LHFPL6: variants seen among roughly 807,000 people sequenced by gnomAD.
The protein encoded by LHFPL6 is LHFPL tetraspan subfamily member 6.
LHFPL6 carries 9 observed loss-of-function variants against 20.6 expected under a neutral mutation model. The observed-to-expected ratio is 0.44, with a 90% confidence interval of 0.26 to 0.76. LHFPL6 has a LOEUF of 0.76. Ranked by LOEUF, LHFPL6 falls within the 30% of genes least tolerant of loss-of-function variation. The pLI is 0.20. For missense variants in LHFPL6, 218 were observed against 253.5 expected (o/e 0.86, Z 0.95); for synonymous variants, 105 against 98.7 (o/e 1.06, Z -0.38).
At chr13:39,425,127 T>C (rs1472474585) in intron 2 of LHFPL6, among the ~76,000 whole-genome samples, 1 of 152,146 alleles carries the variant, frequency 6.6e-6, no homozygotes, top group African/African-American at 2.4e-5. Flanking sequence ...CATAACAGGT[T>C]AGTTTGTATT....
At chr13:39,508,119 G>T (rs1869555493) in intron 2 of LHFPL6, among the ~76,000 whole-genome samples, 1 of 151,686 alleles carries the variant, frequency 6.6e-6, no homozygotes, top group Non-Finnish European at 1.5e-5. Context: ...CCGCCTCCCA[G>T]GTTCAAGTGA....
At chr13:39,595,294 CTTCCTTTCT>C (rs992379661) in intron 2 of LHFPL6, among the ~76,000 whole-genome samples, 3 of 152,014 alleles carry the variant, frequency 2.0e-5, no homozygotes, top group Non-Finnish European at 4.4e-5. Context: ...TGTAGTGTAT[CTTCCTTTCT>C]TTCCTTTTTT....
chr13:39,435,078 A>AAG (rs1420718092), intron 2 of LHFPL6, among the ~76,000 whole-genome samples: 1 of 151,096 alleles, frequency 6.6e-6, no homozygotes, highest in Non-Finnish European at 1.5e-5. Context: ...AAAAAAAAAA[A>AAG]AAAAAAAAAG....
At chr13:39,388,406 C>A (rs1305941418) in intron 2 of LHFPL6, among the ~76,000 whole-genome samples, 1 of 152,076 alleles carries the variant, frequency 6.6e-6, no homozygotes, top group East Asian at 1.9e-4. Flanking sequence ...CCTAGGCAAT[C>A]ATTGGGAGAA....
rs1004594261 is a variant in LHFPL6, at chr13:39,449,869, G to C, written c.386-71343C>G. Among the ~76,000 whole-genome samples the C allele has an allele frequency of 6.0e-5, 9 of 150,016 alleles. 1 individual carries two copies. The highest frequency in any genetic ancestry group is 3.5e-3 in the Middle Eastern group (1 of 284). On this transcript the variant is annotated intron_variant, in intron 2 of 3. Coordinates refer to ENST00000379589, the MANE Select transcript of LHFPL6 (RefSeq NM_005780.3). ...AAAAAAGGAATTTCAAACTAAGATT[G>C]AATAGTTTGCTAATTTCCACAGCTC...
chr13:39,588,010 C>A (rs1453170180), intron 2 of LHFPL6, among the ~76,000 whole-genome samples: 4 of 152,016 alleles, frequency 2.6e-5, no homozygotes, highest in Non-Finnish European at 5.9e-5. Flanking sequence ...GGCTGGATAT[C>A]CAGATGCCAG....
intron 2 of LHFPL6, among the ~76,000 whole-genome samples, chr13:39,490,738 G>A (rs1868897771): frequency 6.6e-6 from 1 of 152,178 alleles, no homozygotes; most frequent in Non-Finnish European, 1.5e-5. Flanking sequence ...AATTTGAAAA[G>A]TAAAGCTGGA....
At chr13:39,395,454 C>T (rs751691224) in intron 2 of LHFPL6, among the ~76,000 whole-genome samples, 18 of 152,192 alleles carry the variant, frequency 1.2e-4, no homozygotes, top group Non-Finnish European at 1.5e-4. Flanking sequence ...CCTCCTCTTC[C>T]AGGATCTAGT....
At chr13:39,536,639 C>T (rs1218467901) in intron 2 of LHFPL6, among the ~76,000 whole-genome samples, 2 of 152,198 alleles carry the variant, frequency 1.3e-5, no homozygotes. Context: ...AGACTATTGT[C>T]CAGTCCAGCA....
intron 2 of LHFPL6, among the ~76,000 whole-genome samples, chr13:39,570,513 AAAATAATAGAG>A (rs1871880726): frequency 6.6e-6 from 1 of 151,648 alleles, no homozygotes; most frequent in Non-Finnish European, 1.5e-5. Context: ...ATGTGGGAGT[AAAATAATAGAG>A]TAATATATAA....
rs764463715 is a variant in LHFPL6, at chr13:39,343,917, T to G, written c.*19A>C. On this transcript the variant is annotated 3_prime_UTR_variant, in exon 4 of 4. Transcript: ENST00000379589. Reference sequence around the variant, plus strand: ...CCTTTGGCCCATCTTCTCCTCTGTCTGCTCTTGGTAGCTCCATCTCAGTAT... The same window carrying G: ...CCTTTGGCCCATCTTCTCCTCTGTCGGCTCTTGGTAGCTCCATCTCAGTAT... 6.2e-7 allele frequency: 1 copy of G among 1,602,514 alleles called. No individual in the cohort carries two copies. Among genetic ancestry groups the G allele is most frequent in the African/African-American group, 1.3e-5 (1 of 74,870 alleles).
At chr13:39,577,661 T>C (rs943284990) in intron 2 of LHFPL6, among the ~76,000 whole-genome samples, 2 of 152,058 alleles carry the variant, frequency 1.3e-5, no homozygotes, top group Non-Finnish European at 2.9e-5. Flanking sequence ...AGACAGAGTC[T>C]CACTCTGTCG....
At position 39,498,422 on chromosome 13, in the gene LHFPL6, G is replaced by A. The variant is rs145896483; in HGVS notation, c.385+102410C>T. ...TTAAAGTACTTCAAATGATTTGCAC[G>A]TTTTCTATCTACACATAGAACAGTA... On this transcript the variant is annotated intron_variant, in intron 2 of 3. Transcript: ENST00000379589. 5.0e-3 allele frequency among the ~76,000 whole-genome samples: 766 copies of A among 151,996 alleles called. 10 individuals are homozygous for A. Among genetic ancestry groups the A allele is most frequent in the African/African-American group, 0.017 (722 of 41,438 alleles).
intron 2 of LHFPL6, among the ~76,000 whole-genome samples, chr13:39,548,090 T>G (rs1207077326): frequency 2.0e-5 from 3 of 152,242 alleles, no homozygotes; most frequent in African/African-American, 7.2e-5. Context: ...GACTAGGAGA[T>G]GTTCACAAAG....
chr13:39,553,358 C>T (rs909247183), intron 2 of LHFPL6, among the ~76,000 whole-genome samples: 5 of 152,146 alleles, frequency 3.3e-5, no homozygotes, highest in African/African-American at 1.2e-4. Context: ...TTGAAACTTC[C>T]TTTGGCCAGA....
Position 39,378,463 on chromosome 13 carries a change from T to G in LHFPL6, c.449A>C (p.Gln150Pro). Residue 150 changes from glutamine (Q) to proline (P), a missense_variant, in exon 3 of 4, where the codon CAG becomes CCG. Coordinates refer to ENST00000379589, the MANE Select transcript of LHFPL6 (RefSeq NM_005780.3). ...CTGGCCAGAAGTGTAGCCACAAGTC[T>G]GCCGGACTTCCTCACTGTCCCAGCC... Reference protein sequence around the residue: ...PLGWDSEEVRQTCGYTSGQFD... With the variant: ...PLGWDSEEVRPTCGYTSGQFD... 1.9e-6 allele frequency: 3 copies of G among 1,614,028 alleles called. No individual in the cohort carries two copies. The highest frequency in any genetic ancestry group is 1.7e-6 in the Non-Finnish European group (2 of 1,179,964).
chr13:39,462,631 C>T (rs1286652061), intron 2 of LHFPL6, among the ~76,000 whole-genome samples: 1 of 152,060 alleles, frequency 6.6e-6, no homozygotes, highest in Non-Finnish European at 1.5e-5. Context: ...TATTCATTAC[C>T]CTCTCACTCT....
At chr13:39,378,569 G>T in intron 2 of LHFPL6, 43 bp from the exon 3 acceptor site, 1 of 1,424,182 alleles carries the variant, frequency 7.0e-7, no homozygotes, top group African/African-American at 1.4e-5. Flanking sequence ...GTGCTTCTCT[G>T]CATCACTAGA....
intron 2 of LHFPL6, among the ~76,000 whole-genome samples, chr13:39,594,563 T>C (rs1355438225): frequency 1.3e-5 from 2 of 152,198 alleles, no homozygotes; most frequent in East Asian, 3.9e-4. Context: ...GTGTGGCGAT[T>C]CCTCAGGGAT....
Sources: allele counts gnomAD v4.1 joint callset (sites outside exome capture counted in the v4.1 genomes callset), GRCh38; gene constraint gnomAD v4.1.1; transcripts MANE v1.5; gene names NCBI Gene and HGNC (gene_info 2026-07-23, HGNC 2026-07-21).